The following WDR49 variants were observed in gnomAD, a reference collection of about 807,000 sequenced individuals.
WDR49 encodes the protein cilia- and flagella-associated protein 337.
A neutral mutation model predicts 119.5 loss-of-function variants in WDR49; 107 were observed. The ratio of observed to expected loss-of-function variants is 0.90; its 90% CI spans 0.77 to 1.05. The LOEUF (loss-of-function observed/expected upper bound fraction) is 1.05, where lower values mean the gene tolerates loss of function less well. WDR49 is among the 50% of genes least tolerant of loss of function. The pLI is 0.00. For missense variants in WDR49, 1,240 were observed against 1,220.5 expected, an observed-to-expected ratio of 1.02 and a Z score of -0.24; for synonymous variants, 425 against 418.8, an observed-to-expected ratio of 1.01 and a Z score of -0.18.
intron 9 of WDR49, among the ~76,000 whole-genome samples, chr3:167,557,407 G>A (rs1176687953): frequency 6.6e-6 from 1 of 152,078 alleles, no homozygotes. Context: ...TTGAATCAAT[G>A]CAATTGCTCA....
At chr3:167,520,078 A>ACTGT (rs1278824971) in intron 16 of WDR49, among the ~76,000 whole-genome samples, 5 of 107,348 alleles carry the variant, frequency 4.7e-5, no homozygotes, top group Non-Finnish European at 9.8e-5. Flanking sequence ...TAAAGAAAAA[A>ACTGT]ATGTGTGTGT....
At chr3:167,493,986 T>C (rs1023557581) in intron 18 of WDR49, among the ~76,000 whole-genome samples, 1 of 152,202 alleles carries the variant, frequency 6.6e-6, no homozygotes, top group Non-Finnish European at 1.5e-5. Context: ...TCATCTCTTA[T>C]TGGGCACATA....
intron 2 of WDR49, among the ~76,000 whole-genome samples, chr3:167,639,245 A>G (rs963449441): frequency 3.3e-5 from 5 of 151,762 alleles, no homozygotes; most frequent in African/African-American, 1.2e-4. Context: ...GGAGACCATG[A>G]TTATGGCAAA....
Position 167,575,974 on chromosome 3 carries a change from C to T in WDR49, c.1453G>A (p.Val485Met). ...LAMKSEASKR[V>M]KSHEKAVTCV... ...GTGACTGCTTTCTCATGGCTTTTCA[C>T]CCTCTTGCTGGCTTCACTTTTCATT... Residue 485 changes from valine to methionine, a missense_variant, in exon 8 of 19, where the codon GTG (valine) becomes ATG (methionine). Transcript: ENST00000682715. 6.2e-7 allele frequency: 1 copy of T among 1,614,118 alleles called. No homozygotes were observed. Among genetic ancestry groups the T allele is most frequent in the Middle Eastern group, 1.6e-4 (1 of 6,062 alleles).
chr3:167,584,080 A>G (rs972530005), intron 7 of WDR49, among the ~76,000 whole-genome samples: 1 of 152,188 alleles, frequency 6.6e-6, no homozygotes, highest in African/African-American at 2.4e-5. Context: ...ATGAACAAGC[A>G]ACAAGAGACT....
intron 10 of WDR49, among the ~76,000 whole-genome samples, chr3:167,551,514 T>C (rs1305322305): frequency 6.6e-6 from 1 of 152,034 alleles, no homozygotes; most frequent in Non-Finnish European, 1.5e-5. Flanking sequence ...GATGACTCCA[T>C]TTGCAATTAG....
intron 2 of WDR49, among the ~76,000 whole-genome samples, chr3:167,629,828 C>T (rs1254634100): frequency 1.3e-5 from 2 of 151,996 alleles, no homozygotes; most frequent in Non-Finnish European, 2.9e-5. Context: ...CAAGAGAACT[C>T]GAATTAGAAG....
chr3:167,505,426 A>T lies in WDR49; in HGVS notation c.2775-10T>A. 1 of 1,517,652 alleles carries T rather than the reference A, an allele frequency of 6.6e-7. No individual in the cohort carries two copies. 94.0% of individuals were successfully genotyped at this position (1,517,652 alleles called of 1,614,324 possible). A position where few individuals can be genotyped will look rare whatever the true frequency, so the allele number is the denominator to read the frequency against. ...TTCTGATGGTCTGACACTGGAAGAA[A>T]ATATTTCATGATGAAATACATTATT... On this transcript the variant is annotated splice_polypyrimidine_tract_variant and intron_variant, in intron 16 of 18. Transcript: ENST00000682715.
intron 2 of WDR49, among the ~76,000 whole-genome samples, chr3:167,630,938 G>T (rs1004586885): frequency 6.6e-6 from 1 of 152,058 alleles, no homozygotes. Context: ...ACATATCACA[G>T]CCTTCTTAGG....
intron 18 of WDR49, among the ~76,000 whole-genome samples, chr3:167,481,716 T>C (rs1297686239): frequency 6.6e-6 from 1 of 152,114 alleles, no homozygotes; most frequent in African/African-American, 2.4e-5. Context: ...ACTTCTTACA[T>C]GGCAGCAGCA....
rs1463285033 is a variant in WDR49, at chr3:167,484,949, C to A, written c.3032-5953G>T. Among the ~76,000 whole-genome samples the A allele has an allele frequency of 2.0e-5, 3 of 152,170 alleles. No homozygotes were observed. In the South Asian group the frequency reaches 6.2e-4, roughly 32 times the overall value. On this transcript the variant is annotated intron_variant, in intron 18 of 18. Transcript: ENST00000682715. The stretch of plus-strand genomic sequence containing the variant: ...CAAAGACTTGGAACCAACCCAAATG[C>A]CCATCAATGATAGACTGGATAAAGA...
chr3:167,488,367 T>TA (rs1387343581), intron 18 of WDR49, among the ~76,000 whole-genome samples: 2 of 151,854 alleles, frequency 1.3e-5, no homozygotes, highest in African/African-American at 2.4e-5. Flanking sequence ...GTAAATATGA[T>TA]AAAAACAGTC....
chr3:167,622,304 A>G (rs528416348), intron 3 of WDR49, among the ~76,000 whole-genome samples: 17 of 152,234 alleles, frequency 1.1e-4, no homozygotes, highest in African/African-American at 4.1e-4. Context: ...TGAGAGGCCA[A>G]CGCAGGAGGA....
chr3:167,627,387 C>A, intron 2 of WDR49, 95 bp from the exon 3 acceptor site: 9 of 1,104,374 alleles, frequency 8.1e-6, no homozygotes, highest in Non-Finnish European at 1.0e-5. Flanking sequence ...ATTTAATCAG[C>A]AATTCTGCCA....
intron 2 of WDR49, among the ~76,000 whole-genome samples, chr3:167,651,862 C>A (rs1718398080): frequency 6.6e-6 from 1 of 152,148 alleles, no homozygotes. Context: ...CCACCTCTAA[C>A]CTTCTGAAGC....
intron 16 of WDR49, among the ~76,000 whole-genome samples, chr3:167,518,557 C>CTTTGCCCACTT (rs1301077326): frequency 5.3e-5 from 8 of 151,698 alleles, no homozygotes; most frequent in Non-Finnish European, 1.0e-4. Context: ...TGTTCATATC[C>CTTTGCCCACTT]TTTGCCCACT....
chr3:167,492,217 G>A (rs886723494), intron 18 of WDR49, among the ~76,000 whole-genome samples: 5 of 151,246 alleles, frequency 3.3e-5, no homozygotes, highest in African/African-American at 1.2e-4. Flanking sequence ...GAAAAGGAGA[G>A]GAACAATTTT....
At chr3:167,508,599 C>A (rs1348046657) in intron 16 of WDR49, among the ~76,000 whole-genome samples, 1 of 152,116 alleles carries the variant, frequency 6.6e-6, no homozygotes, top group African/African-American at 2.4e-5. Flanking sequence ...CTAACACCCC[C>A]CTACAGCAAG....
chr3:167,579,665 A>T (rs1714437716), intron 7 of WDR49, among the ~76,000 whole-genome samples: 1 of 152,144 alleles, frequency 6.6e-6, no homozygotes, highest in Non-Finnish European at 1.5e-5. Context: ...TCACTAAAAA[A>T]ATTTTAAAAA....
Sources: gnomAD v4.1 joint callset for allele counts (sites outside exome capture counted in the v4.1 genomes callset) on GRCh38, gnomAD v4.1.1 for gene constraint, MANE v1.5 for transcripts, NCBI Gene and HGNC (gene_info 2026-07-23, HGNC 2026-07-21) for gene names.